PASD1: variants seen among roughly 807,000 people sequenced by gnomAD.
The protein encoded by PASD1 is circadian clock protein PASD1.
A neutral mutation model predicts 58.8 loss-of-function variants in PASD1; 13 were observed. The observed-to-expected ratio is 0.22, with a 90% confidence interval of 0.14 to 0.35. PASD1 has a LOEUF of 0.35. PASD1 is among the 10% of genes least tolerant of loss of function. The pLI is 1.00. For synonymous variants in PASD1, 236 were observed against 216.7 expected (o/e 1.09, Z -0.78); for missense variants, 734 against 568.3 (o/e 1.29, Z -2.96).
chrX:151,634,247 C>T lies in PASD1; in HGVS notation c.629+8717C>T, dbSNP rs1230349593. Among the ~76,000 whole-genome samples the T allele has an allele frequency of 3.6e-5, 4 of 111,033 alleles. No individual in the cohort carries two copies. In the East Asian group the frequency reaches 1.1e-3, roughly 31 times the overall value. ...CTTCTCTCCTTCTCTCAACTTCTCC[C>T]CATCTTTTCTTCCCTCTCTCTTCTC... On this transcript the variant is annotated intron_variant, in intron 8 of 15. Transcript: ENST00000370357.
intron 3 of PASD1, 67 bp from the exon 4 acceptor site, chrX:151,611,597 T>C: frequency 1.3e-6 from 1 of 766,216 alleles, no homozygotes; most frequent in Admixed American, 2.9e-5. Flanking sequence ...TCTATGCATT[T>C]AGCAATAAAA....
intron 4 of PASD1, among the ~76,000 whole-genome samples, chrX:151,619,734 AG>A (rs1251955364): frequency 2.7e-5 from 3 of 111,279 alleles, no homozygotes; most frequent in African/African-American, 9.8e-5. Flanking sequence ...AGTGGAGTGG[AG>A]TGGTTAGATA....
intron 2 of PASD1, among the ~76,000 whole-genome samples, chrX:151,602,382 A>G (rs2013428956): frequency 9.0e-6 from 1 of 110,954 alleles, no homozygotes; most frequent in East Asian, 2.8e-4. Flanking sequence ...AAAACCTAAC[A>G]TGTCACTCTC....
intron 1 of PASD1, among the ~76,000 whole-genome samples, chrX:151,584,529 C>G (rs2013141645): frequency 1.8e-5 from 2 of 111,910 alleles, no homozygotes; most frequent in African/African-American, 6.5e-5. Flanking sequence ...TGTTATTTTA[C>G]TGGAAATCAA....
chrX:151,599,481 G>A (rs776714730), intron 1 of PASD1, among the ~76,000 whole-genome samples: 539 of 110,139 alleles, frequency 4.9e-3, no homozygotes, highest in African/African-American at 7.4e-3. Context: ...GGCGGCTGCC[G>A]GGCGGAGACG....
chrX:151,579,606 T>C (rs998216907), intron 1 of PASD1, among the ~76,000 whole-genome samples: 1 of 112,065 alleles, frequency 8.9e-6, no homozygotes, highest in African/African-American at 3.2e-5. Flanking sequence ...AGCAATCATT[T>C]GCAAACCCCA....
rs2014490096 is a variant in PASD1, at chrX:151,672,427, A to G, written c.1682A>G (p.Glu561Gly). 1 of 1,209,943 alleles carries G rather than the reference A, an allele frequency of 8.3e-7. No homozygotes were observed. Among genetic ancestry groups the G allele is most frequent in the African/African-American group, 1.7e-5 (1 of 57,261 alleles). The change falls in exon 14 of 16, where the codon GAG (glutamate) becomes GGG (glycine). Residue 561 changes from glutamate to glycine, a missense_variant. Physicochemically the swap from Glu to Gly is moderately conservative, Grantham distance 98. Transcript: ENST00000370357. Reference sequence around the variant, plus strand: ...ATGCTACAGAAAGAGCCAGAGGAGGAGCAGCAGAAGCAGCAGCTGCAAGAG... The same window carrying G: ...ATGCTACAGAAAGAGCCAGAGGAGGGGCAGCAGAAGCAGCAGCTGCAAGAG... ...GQMLQKEPEEEQQKQQLQEQP... is the reference protein window; with the variant it reads ...GQMLQKEPEEGQQKQQLQEQP...
chrX:151,638,474 C>A (rs887275704), intron 8 of PASD1, among the ~76,000 whole-genome samples: 5 of 109,863 alleles, frequency 4.6e-5, no homozygotes, highest in Non-Finnish European at 9.5e-5. Flanking sequence ...AATAACAACA[C>A]TTACTGAGTG....
At chrX:151,614,041 A>G (rs1174324295) in intron 4 of PASD1, among the ~76,000 whole-genome samples, 2 of 108,988 alleles carry the variant, frequency 1.8e-5, no homozygotes, top group African/African-American at 6.7e-5. Flanking sequence ...CTGGAGTGCA[A>G]TGGTGCGATC....
intron 10 of PASD1, among the ~76,000 whole-genome samples, chrX:151,660,382 A>G (rs1441959172): frequency 2.7e-5 from 3 of 112,535 alleles, no homozygotes; most frequent in African/African-American, 9.7e-5. Flanking sequence ...CTCCTTATAT[A>G]GAAGTAATAA....
chrX:151,653,942 T>TTTCTTTC (rs1260363488), intron 9 of PASD1, among the ~76,000 whole-genome samples: 9 of 69,267 alleles, frequency 1.3e-4, no homozygotes, highest in Non-Finnish European at 2.1e-4. Flanking sequence ...TTCTTTCTTT[T>TTTCTTTC]TCTCTCTTTC....
chrX:151,650,108 C>G (rs2014112348), intron 9 of PASD1, among the ~76,000 whole-genome samples: 1 of 111,819 alleles, frequency 8.9e-6, no homozygotes, highest in Admixed American at 9.5e-5. Flanking sequence ...GAGCAGTGTT[C>G]TGTTTACACA....
At chrX:151,671,897 C>A in intron 13 of PASD1, 118 bp downstream of exon 13, 1 of 839,289 alleles carries the variant, frequency 1.2e-6, no homozygotes, top group Non-Finnish European at 1.7e-6. Flanking sequence ...AATTTATTTG[C>A]CCAAGATAGT....
At chrX:151,571,151 A>C (rs926505065) in intron 1 of PASD1, among the ~76,000 whole-genome samples, 2 of 112,251 alleles carry the variant, frequency 1.8e-5, no homozygotes, top group African/African-American at 6.5e-5. Flanking sequence ...ACTGCTAATA[A>C]ATTGAACATT....
rs767914922 is a variant in PASD1, at chrX:151,604,686, G to T, written c.69G>T (p.Trp23Cys). Residue 23 changes from tryptophan (W) to cysteine (C), a missense_variant, in exon 3 of 16, where the codon TGG (tryptophan) becomes TGT (cysteine). Transcript: ENST00000370357. ...NPKSSQRKLN[W>C]IPSFPTYDYF... ...AAAGCTCTCAAAGGAAATTAAACTG[G>T]ATTCCATCATTTCCTACCTATGATT... 1 of 1,209,002 alleles carries T rather than the reference G, an allele frequency of 8.3e-7. No homozygotes were observed. Among genetic ancestry groups the T allele is most frequent in the East Asian group, 3.0e-5 (1 of 33,830 alleles).
intron 2 of PASD1, 86 bp downstream of exon 2, chrX:151,601,667 TC>T: frequency 1.0e-6 from 1 of 984,287 alleles, no homozygotes; most frequent in Non-Finnish European, 1.4e-6. Flanking sequence ...AAATGCTACT[TC>T]CTCAGGGAAG....
chrX:151,676,281 A>C lies in PASD1; in HGVS notation c.*138A>C. ...TGGGTAGAGACTTATTTGTTTCCTGATAGGTTATGTTTGTAATTGTTTGTT... is the reference window on the plus strand; with the variant it reads ...TGGGTAGAGACTTATTTGTTTCCTGCTAGGTTATGTTTGTAATTGTTTGTT... On this transcript the variant is annotated 3_prime_UTR_variant, in exon 16 of 16. Coordinates refer to ENST00000370357, the MANE Select transcript of PASD1 (RefSeq NM_173493.3). The C allele has an allele frequency of 1.6e-6, 1 of 626,957 alleles. No individual in the cohort carries two copies. Among genetic ancestry groups the C allele is most frequent in the Non-Finnish European group, 2.4e-6 (1 of 424,728 alleles). The allele number at this position is 626,957 out of a possible 1,213,427, so 51.7% of individuals were successfully genotyped here.
intron 1 of PASD1, among the ~76,000 whole-genome samples, chrX:151,570,641 G>A (rs2012914273): frequency 9.0e-6 from 1 of 111,635 alleles, no homozygotes; most frequent in South Asian, 3.8e-4. Context: ...CCCCTTTCCT[G>A]TGTGGAGATT....
At chrX:151,566,793 G>A (rs1401344998) in intron 1 of PASD1, among the ~76,000 whole-genome samples, 2 of 110,971 alleles carry the variant, frequency 1.8e-5, no homozygotes, top group Admixed American at 9.7e-5. Flanking sequence ...TTGTCCGGAC[G>A]CGGTGGCTCA....
Sources: allele counts gnomAD v4.1 joint callset (sites outside exome capture counted in the v4.1 genomes callset), GRCh38; gene constraint gnomAD v4.1.1; transcripts MANE v1.5; gene names NCBI Gene and HGNC (gene_info 2026-07-23, HGNC 2026-07-21).